WWC1: variants seen among roughly 807,000 people sequenced by gnomAD.
The protein encoded by WWC1 is WW and C2 domain containing 1.
WWC1 carries 55 observed loss-of-function variants against 138.4 expected under a neutral mutation model. The observed-to-expected ratio is 0.40, with a 90% CI of 0.32 to 0.50. WWC1 has a LOEUF of 0.50. Among genes scored for constraint, WWC1 ranks in the 20% least tolerant of loss-of-function variants. The pLI is 0.72. For synonymous variants in WWC1, 524 were observed against 564.9 expected (o/e 0.93, Z 1.03); for missense variants, 1,226 against 1,420.4 (o/e 0.86, Z 2.20).
At chr5:168,406,757 C>T (rs1042920503) in intron 6 of WWC1, among the ~76,000 whole-genome samples, 6 of 151,768 alleles carry the variant, frequency 4.0e-5, no homozygotes, top group Non-Finnish European at 8.8e-5. Context: ...CTGGCTAACA[C>T]GGAGAAACCC....
rs370191617 is a variant in WWC1, at chr5:168,408,528, G to A, written c.742G>A (p.Gly248Ser). 82 of 1,613,914 alleles carry A rather than the reference G, an allele frequency of 5.1e-5. No individual in the cohort carries two copies. The highest frequency in any genetic ancestry group is 1.6e-4 in the Middle Eastern group (1 of 6,084). Residue 248 changes from glycine to serine, a missense_variant, in exon 7 of 23, where the codon GGC (glycine) becomes AGC (serine). Physicochemically the swap from Gly to Ser is moderately conservative, Grantham distance 56. Transcript: ENST00000265293. ...TCAGAGCCTTGCCATGTTGAAGGACGGCTTCCGCACTGACAGGGGGTCTCA... is the reference window on the plus strand; with the variant it reads ...TCAGAGCCTTGCCATGTTGAAGGACAGCTTCCGCACTGACAGGGGGTCTCA... ...LIKSLAMLKD[G>S]FRTDRGSHSD... is the part of the protein sequence containing the mutation.
At chr5:168,448,705 G>T (rs545931946) in intron 17 of WWC1, among the ~76,000 whole-genome samples, 1 of 143,260 alleles carries the variant, frequency 7.0e-6, no homozygotes, top group Non-Finnish European at 1.5e-5. Context: ...TGCAAGCTCC[G>T]CCACCTGGGT....
chr5:168,296,906 A>C (rs1006392278), intron 1 of WWC1, among the ~76,000 whole-genome samples: 1 of 152,188 alleles, frequency 6.6e-6, no homozygotes, highest in Non-Finnish European at 1.5e-5. Context: ...GCCTTGGGAA[A>C]TGGAGCCAAA....
rs112043343 is a variant in WWC1, at chr5:168,316,396, T to C, written c.119+24125T>C. 4.3e-4 allele frequency among the ~76,000 whole-genome samples: 66 copies of C among 152,278 alleles called. 2 individuals carry two copies. Among genetic ancestry groups the C allele is most frequent in the African/African-American group, 1.6e-3 (66 of 41,556 alleles). On this transcript the variant is annotated intron_variant, in intron 1 of 22. Transcript: ENST00000265293. ...AGAAACCTGCTTTACCAGTCCAGGG[T>C]GCCTCCTGGAAGCTGGCTCGCTTAT...
At chr5:168,329,824 T>C (rs1289182346) in intron 1 of WWC1, among the ~76,000 whole-genome samples, 1 of 152,182 alleles carries the variant, frequency 6.6e-6, no homozygotes, top group Non-Finnish European at 1.5e-5. Flanking sequence ...AAGCTGTGGC[T>C]TTTGGCTGGG....
chr5:168,315,174 AC>A (rs1771468344), intron 1 of WWC1, among the ~76,000 whole-genome samples: 2 of 120,186 alleles, frequency 1.7e-5, no homozygotes, highest in Non-Finnish European at 3.9e-5. Context: ...GCCACAAATA[AC>A]TTTTTTTTTT....
intron 2 of WWC1, among the ~76,000 whole-genome samples, chr5:168,384,945 T>C (rs1777926860): frequency 6.6e-6 from 1 of 152,096 alleles, no homozygotes; most frequent in Admixed American, 6.6e-5. Flanking sequence ...TCAAGCTCCT[T>C]GACCTCAAGT....
At chr5:168,366,121 C>T (rs183678920) in intron 1 of WWC1, among the ~76,000 whole-genome samples, 118 of 152,290 alleles carry the variant, frequency 7.7e-4, no homozygotes, top group African/African-American at 1.9e-3. Flanking sequence ...TCCTGGGGGA[C>T]GGGGGGTGGC....
At chr5:168,324,578 C>G (rs1223625379) in intron 1 of WWC1, among the ~76,000 whole-genome samples, 1 of 151,718 alleles carries the variant, frequency 6.6e-6, no homozygotes, top group African/African-American at 2.4e-5. Flanking sequence ...CTCTTTAGAG[C>G]AAACATAATA....
intron 1 of WWC1, among the ~76,000 whole-genome samples, chr5:168,357,151 TG>T (rs1424185291): frequency 6.6e-6 from 1 of 152,166 alleles, no homozygotes; most frequent in Non-Finnish European, 1.5e-5. Flanking sequence ...TGAACCCTGC[TG>T]GGAATTCCAA....
intron 1 of WWC1, among the ~76,000 whole-genome samples, chr5:168,295,225 T>C (rs1260620927): frequency 6.6e-6 from 1 of 152,118 alleles, no homozygotes; most frequent in East Asian, 1.9e-4. Context: ...GTTGGTTAGA[T>C]GGTCTTCAAG....
intron 3 of WWC1, among the ~76,000 whole-genome samples, chr5:168,395,096 C>T (rs936275829): frequency 3.9e-5 from 6 of 152,192 alleles, no homozygotes; most frequent in Non-Finnish European, 7.3e-5. Context: ...CCAAGGAACA[C>T]GATGCATGCC....
chr5:168,339,840 TC>T (rs1773841999), intron 1 of WWC1, among the ~76,000 whole-genome samples: 1 of 148,510 alleles, frequency 6.7e-6, no homozygotes, highest in Non-Finnish European at 1.5e-5. Flanking sequence ...CTTTTTCTTT[TC>T]TTTCTTTCTT....
chr5:168,451,213 G>A (rs1755785952), intron 17 of WWC1, among the ~76,000 whole-genome samples: 1 of 151,892 alleles, frequency 6.6e-6, no homozygotes, highest in Non-Finnish European at 1.5e-5. Flanking sequence ...GAGGCAACTC[G>A]GTTTTATCAT....
intron 17 of WWC1, among the ~76,000 whole-genome samples, chr5:168,446,232 T>TAAA (rs60746695): frequency 0.01 from 614 of 58,770 alleles, 43 homozygotes; most frequent in African/African-American, 0.042. Context: ...CTCCCATTAT[T>TAAA]AAAAAAAAAA....
At chr5:168,368,343 A>G (rs996181339) in intron 1 of WWC1, among the ~76,000 whole-genome samples, 8 of 152,220 alleles carry the variant, frequency 5.3e-5, no homozygotes, top group Non-Finnish European at 1.2e-4. Flanking sequence ...CAATTATGCC[A>G]GACACAGGAT....
At chr5:168,317,742 G>C (rs571729743) in intron 1 of WWC1, among the ~76,000 whole-genome samples, 12 of 152,198 alleles carry the variant, frequency 7.9e-5, no homozygotes, top group Non-Finnish European at 1.6e-4. Flanking sequence ...ATGTGGGAAG[G>C]AGAGGCAAGT....
chr5:168,337,999 G>A (rs1225604773), intron 1 of WWC1, among the ~76,000 whole-genome samples: 1 of 152,166 alleles, frequency 6.6e-6, no homozygotes, highest in African/African-American at 2.4e-5. Context: ...CTGGGCAAGA[G>A]TGTGCAGTTT....
intron 1 of WWC1, among the ~76,000 whole-genome samples, chr5:168,297,248 C>G (rs967091617): frequency 6.6e-5 from 10 of 152,206 alleles, no homozygotes; most frequent in Non-Finnish European, 1.0e-4. Flanking sequence ...ACAGCAGCAT[C>G]AAATGGATGC....
Sources: allele counts gnomAD v4.1 joint callset (sites outside exome capture counted in the v4.1 genomes callset), GRCh38; gene constraint gnomAD v4.1.1; transcripts MANE v1.5; gene names NCBI Gene and HGNC (gene_info 2026-07-23, HGNC 2026-07-21).